CHRDL2: variants seen among roughly 807,000 people sequenced by gnomAD.
CHRDL2 encodes chordin like 2, also known as chordin-like protein 2.
CHRDL2 carries 41 observed loss-of-function variants against 54.3 expected under a neutral mutation model. The observed-to-expected ratio is 0.76, with a 90% CI of 0.59 to 0.98. The LOEUF is 0.98. Among genes scored for constraint, CHRDL2 ranks in the 50% least tolerant of loss-of-function variants. The pLI, the probability that CHRDL2 is intolerant of heterozygous loss-of-function variation, is 0.00. For missense variants in CHRDL2, 518 were observed against 562.4 expected (o/e 0.92, Z 0.80); for synonymous variants, 220 against 224.3 (o/e 0.98, Z 0.17).
At chr11:74,718,398 A>C (rs1237504130) in intron 2 of CHRDL2, among the ~76,000 whole-genome samples, 1 of 152,174 alleles carries the variant, frequency 6.6e-6, no homozygotes, top group African/African-American at 2.4e-5. Context: ...GATAAGGTCA[A>C]AAAGGCTCTG....
At chr11:74,700,643 A>ATTTTTTT (rs10661880) in intron 9 of CHRDL2, among the ~76,000 whole-genome samples, 4 of 136,012 alleles carry the variant, frequency 2.9e-5, no homozygotes, top group Admixed American at 7.4e-5. Context: ...TATTATTATT[A>ATTTTTTT]TTTTTTTTTT....
intron 2 of CHRDL2, among the ~76,000 whole-genome samples, chr11:74,715,424 C>G (rs565845365): frequency 6.7e-6 from 1 of 149,934 alleles, no homozygotes; most frequent in East Asian, 2.0e-4. Flanking sequence ...GCCAACATGG[C>G]AAAACCCCGT....
At chr11:74,724,805 T>G (rs1000055375) in intron 1 of CHRDL2, among the ~76,000 whole-genome samples, 3 of 152,338 alleles carry the variant, frequency 2.0e-5, no homozygotes, top group African/African-American at 7.2e-5. Flanking sequence ...AAGTAAGCTT[T>G]GCTTCCTAAC....
intron 6 of CHRDL2, 26 bp downstream of exon 6, chr11:74,706,460 AC>A (rs938285279): frequency 9.3e-6 from 15 of 1,612,364 alleles, no homozygotes; most frequent in Middle Eastern, 1.6e-4. Context: ...CCTGTCCCGC[AC>A]CCCGTCAATA....
intron 9 of CHRDL2, 185 bp from the exon 10 acceptor site, chr11:74,697,482 A>G: frequency 3.3e-6 from 2 of 601,870 alleles, no homozygotes; most frequent in Non-Finnish European, 6.1e-6. Flanking sequence ...TCTCTCTGCC[A>G]CTATCCTCAC....
intron 1 of CHRDL2, among the ~76,000 whole-genome samples, chr11:74,721,300 A>G (rs1343825898): frequency 1.3e-5 from 2 of 152,226 alleles, no homozygotes; most frequent in Admixed American, 1.3e-4. Context: ...CTGTTGCTGA[A>G]GAAGCCCTGT....
At chr11:74,706,417 G>A (rs1461721415) in intron 6 of CHRDL2, 70 bp downstream of exon 6, 3 of 1,472,730 alleles carry the variant, frequency 2.0e-6, no homozygotes, top group Non-Finnish European at 2.8e-6. Flanking sequence ...GCCTGCCCCA[G>A]AGTCACGAGA....
chr11:74,698,755 G>T (rs2033698002), intron 9 of CHRDL2: 1 of 152,754 alleles, frequency 6.5e-6, no homozygotes. Context: ...GGCCCCAAGG[G>T]GGAATGAGGT....
At chr11:74,698,631 C>CTGGA (rs3841468) in intron 9 of CHRDL2, 44,513 of 148,284 alleles carry the variant, frequency 0.3, 8,270 homozygotes, top group East Asian at 0.42. Context: ...GAATGAATCC[C>CTGGA]TGGATGGATG....
chr11:74,700,465 A>G (rs2033763875), intron 9 of CHRDL2, among the ~76,000 whole-genome samples: 1 of 152,054 alleles, frequency 6.6e-6, no homozygotes, highest in Admixed American at 6.5e-5. Context: ...TCAGCTCCCA[A>G]TAAGCTCCAC....
chr11:74,708,522 C>G (rs1350661516), intron 4 of CHRDL2, 127 bp from the exon 5 acceptor site: 5 of 672,436 alleles, frequency 7.4e-6, no homozygotes, highest in Non-Finnish European at 1.2e-5. Context: ...GGGGAAGCAA[C>G]AGCATCTCCA....
In CHRDL2 at chr11:74,696,658, G is replaced by T. The variant is rs986762076; in HGVS notation, c.1214-73C>A. ...TGCACAACAGAGGCAGCAGCTGGGGGTTGGAAAAGCCTTGGGCCAGGAGGA... is the reference window on the plus strand; with the variant it reads ...TGCACAACAGAGGCAGCAGCTGGGGTTTGGAAAAGCCTTGGGCCAGGAGGA... On this transcript the variant is annotated intron_variant, in intron 10 of 10. Transcript: ENST00000376332. 5.9e-6 allele frequency: 7 copies of T among 1,178,932 alleles called. No homozygotes were observed. The East Asian group carries it at 1.2e-4, about 20-fold the overall frequency. The allele number at this position is 1,178,932 out of a possible 1,614,324, so 73.0% of individuals were successfully genotyped here. A position where few individuals can be genotyped will look rare whatever the true frequency, so the allele number is the denominator to read the frequency against.
At chr11:74,724,999 C>CT (rs796745469) in intron 1 of CHRDL2, among the ~76,000 whole-genome samples, 11,902 of 145,264 alleles carry the variant, frequency 0.082, 544 homozygotes, top group African/African-American at 0.12. Context: ...TTCTTTCATT[C>CT]TTTTTTTTTT....
At position 74,703,350 on chromosome 11, in the gene CHRDL2, G is replaced by A. The variant is rs148701360; in HGVS notation, c.901C>T (p.Arg301Cys). ...RVTCPTEYPC[R>C]HPEKVAGKCC... ...TTCCCAGCCACTTTCTCGGGGTGAC[G>A]GCAGGGGTACTCGGTGGGACAGGTC... Residue 301 changes from arginine (R) to cysteine (C), a missense_variant, in exon 8 of 11, where the codon CGT becomes TGT. Coordinates refer to ENST00000376332, the MANE Select transcript of CHRDL2 (RefSeq NM_001278473.3). The A allele has an allele frequency of 4.0e-5, 64 of 1,612,888 alleles. No homozygotes were observed. Among genetic ancestry groups the A allele is most frequent in the Admixed American group, 3.2e-4 (19 of 59,902 alleles).
Position 74,703,354 on chromosome 11 carries a change from G to T in CHRDL2, c.897C>A (p.Pro299=). The T allele has an allele frequency of 6.2e-7, 1 of 1,613,192 alleles. No homozygotes were observed. The highest frequency in any genetic ancestry group is 1.1e-5 in the South Asian group (1 of 91,020). ...CQRVTCPTEY[P]CRHPEKVAGK... is the part of the protein sequence containing the mutation. ...CAGCCACTTTCTCGGGGTGACGGCA[G>T]GGGTACTCGGTGGGACAGGTCACAC... The change falls in exon 8 of 11, where the codon CCC becomes CCA. Residue 299 remains proline, a synonymous_variant. Coordinates refer to ENST00000376332, the MANE Select transcript of CHRDL2 (RefSeq NM_001278473.3).
At chr11:74,701,273 A>T (rs771223784) in intron 9 of CHRDL2, 6 of 280,880 alleles carry the variant, frequency 2.1e-5, no homozygotes, top group Non-Finnish European at 3.3e-5. Flanking sequence ...GCCCAGAGAG[A>T]TCATGTGACT....
At chr11:74,698,449 C>T (rs554943216) in intron 9 of CHRDL2, 38 of 152,244 alleles carry the variant, frequency 2.5e-4, no homozygotes, top group African/African-American at 8.2e-4. Flanking sequence ...CTAATCCACC[C>T]GAGGCAATTC....
chr11:74,714,702 TA>T (rs1159837854), intron 2 of CHRDL2, among the ~76,000 whole-genome samples: 1 of 152,198 alleles, frequency 6.6e-6, no homozygotes, highest in East Asian at 1.9e-4. Context: ...GTCTAGAGGA[TA>T]AACCAGACAC....
rs770139884 is a variant in CHRDL2, at chr11:74,706,524, G to A, written c.545C>T (p.Ser182Leu). Residue 182 changes from serine to leucine, a missense_variant, in exon 6 of 11, where the codon TCG becomes TTG. Transcript: ENST00000376332. The stretch of plus-strand genomic sequence containing the variant: ...CGACTGCACACTGTCCTCTTCATCC[G>A]ATTGCTCACTTGCCTCATCTGAAAA... ...QACKDEASEQ[S>L]DEEDSVQSLH... 7 of 1,613,930 alleles carry A rather than the reference G, an allele frequency of 4.3e-6. No homozygotes were observed. The highest frequency in any genetic ancestry group is 2.2e-5 in the East Asian group (1 of 44,886).
Sources: gnomAD v4.1 joint callset for allele counts (sites outside exome capture counted in the v4.1 genomes callset) on GRCh38, gnomAD v4.1.1 for gene constraint, MANE v1.5 for transcripts, NCBI Gene and HGNC (gene_info 2026-07-23, HGNC 2026-07-21) for gene names.